The following CCDC192 variants were observed in gnomAD, a reference collection of about 807,000 sequenced individuals.
The protein encoded by CCDC192 is coiled-coil domain containing 192, also known as coiled-coil domain-containing protein 192.
chr5:127,758,894 T>A (rs1754759208), intron 3 of CCDC192, among the ~76,000 whole-genome samples: 1 of 152,192 alleles, frequency 6.6e-6, no homozygotes, highest in Non-Finnish European at 1.5e-5. Flanking sequence ...CATACAGCTT[T>A]TGTGCTGAGA....
chr5:127,936,104 CA>C (rs1202914285), intron 6 of CCDC192, among the ~76,000 whole-genome samples: 1 of 151,160 alleles, frequency 6.6e-6, no homozygotes, highest in Non-Finnish European at 1.5e-5. Context: ...AACTCCGTTT[CA>C]AAAAAAGAAA....
intron 5 of CCDC192, among the ~76,000 whole-genome samples, chr5:127,860,309 G>A (rs558887593): frequency 5.3e-5 from 8 of 152,170 alleles, no homozygotes; most frequent in African/African-American, 1.9e-4. Context: ...CTAAATTATT[G>A]AGAATCGCAG....
chr5:127,885,239 T>C (rs970540265), intron 6 of CCDC192, among the ~76,000 whole-genome samples: 2 of 152,218 alleles, frequency 1.3e-5, no homozygotes, highest in African/African-American at 4.8e-5. Context: ...GTTTCGTTCT[T>C]AGCTACAGAG....
chr5:127,854,920 C>A (rs1282370196), intron 5 of CCDC192, among the ~76,000 whole-genome samples: 1 of 152,146 alleles, frequency 6.6e-6, no homozygotes, highest in Non-Finnish European at 1.5e-5. Flanking sequence ...GTAAACATAA[C>A]TTTTCAGCCT....
At chr5:127,816,433 G>C (rs1034335728) in intron 5 of CCDC192, among the ~76,000 whole-genome samples, 1 of 152,098 alleles carries the variant, frequency 6.6e-6, no homozygotes, top group African/African-American at 2.4e-5. Context: ...TCATGTTCTT[G>C]TTTTACAGAA....
At chr5:127,727,727 C>T (rs1032863086) in intron 2 of CCDC192, among the ~76,000 whole-genome samples, 3 of 152,112 alleles carry the variant, frequency 2.0e-5, no homozygotes, top group African/African-American at 4.8e-5. Context: ...TCAGAAGGTG[C>T]GTAATAATGA....
At chr5:127,766,454 T>C (rs945304893) in intron 3 of CCDC192, among the ~76,000 whole-genome samples, 2 of 152,054 alleles carry the variant, frequency 1.3e-5, no homozygotes, top group African/African-American at 4.8e-5. Context: ...TGTTACCTAA[T>C]ATAAATAAGG....
chr5:127,936,426 G>A lies in CCDC192; in HGVS notation c.536-4756G>A, dbSNP rs140130165. 3.3e-5 allele frequency among the ~76,000 whole-genome samples: 5 copies of A among 152,284 alleles called. No homozygotes were observed. The East Asian group carries it at 5.8e-4, about 18-fold the overall frequency. The stretch of plus-strand genomic sequence containing the variant: ...AGGCTGACATAGAAAAGTGAGTACA[G>A]CCTGGGTCAGCCGAAGGCAGAATGC... On this transcript the variant is annotated intron_variant, in intron 6 of 6. Coordinates refer to ENST00000514853, the MANE Select transcript of CCDC192 (RefSeq NM_001317938.2).
intron 6 of CCDC192, among the ~76,000 whole-genome samples, chr5:127,912,935 G>A (rs927975240): frequency 6.6e-6 from 1 of 152,180 alleles, no homozygotes; most frequent in African/African-American, 2.4e-5. Flanking sequence ...TTCTGCACTG[G>A]CCCTGACCAA....
At chr5:127,812,150 A>C (rs1332417752) in intron 5 of CCDC192, among the ~76,000 whole-genome samples, 1 of 152,142 alleles carries the variant, frequency 6.6e-6, no homozygotes, top group Non-Finnish European at 1.5e-5. Flanking sequence ...TTTTTATAAA[A>C]TCCTTAGACT....
chr5:127,928,941 ATT>A (rs1753941891), intron 6 of CCDC192, among the ~76,000 whole-genome samples: 1 of 151,780 alleles, frequency 6.6e-6, no homozygotes, highest in Admixed American at 6.6e-5. Flanking sequence ...TAGTTTTTGT[ATT>A]TTTAGTAGAA....
intron 2 of CCDC192, among the ~76,000 whole-genome samples, chr5:127,710,243 CTCTTT>C (rs1251554664): frequency 2.6e-5 from 4 of 152,202 alleles, no homozygotes; most frequent in African/African-American, 9.7e-5. Context: ...ACAACGCAGT[CTCTTT>C]TAAGTCATGG....
chr5:127,815,773 C>T lies in CCDC192; in HGVS notation c.411+17611C>T, dbSNP rs183708272. 2.2e-3 allele frequency among the ~76,000 whole-genome samples: 340 copies of T among 151,878 alleles called. 2 individuals are homozygous for T. The highest frequency in any genetic ancestry group is 3.6e-3 in the Non-Finnish European group (247 of 67,954). ...GTCCCAGCTCCTCAGGAGGCTGAGGCAGGAGAATGGCATGAACCTGGGAGG... is the reference window on the plus strand; with the variant it reads ...GTCCCAGCTCCTCAGGAGGCTGAGGTAGGAGAATGGCATGAACCTGGGAGG... On this transcript the variant is annotated intron_variant, in intron 5 of 6. Transcript: ENST00000514853.
At chr5:127,888,513 C>T (rs2127153091) in intron 6 of CCDC192, among the ~76,000 whole-genome samples, 1 of 151,804 alleles carries the variant, frequency 6.6e-6, no homozygotes, top group East Asian at 1.9e-4. Context: ...GGACCATGCT[C>T]CTGAATACTA....
At chr5:127,799,005 A>G (rs991464215) in intron 5 of CCDC192, among the ~76,000 whole-genome samples, 1 of 152,056 alleles carries the variant, frequency 6.6e-6, no homozygotes, top group African/African-American at 2.4e-5. Context: ...GAACAACCCA[A>G]ATGCCTTAGA....
chr5:127,907,558 T>A (rs562414014), intron 6 of CCDC192, among the ~76,000 whole-genome samples: 2 of 152,274 alleles, frequency 1.3e-5, no homozygotes, highest in East Asian at 3.9e-4. Context: ...ATTCAAAGTT[T>A]TGCTTTTAAA....
chr5:127,876,197 C>T (rs529764326), intron 6 of CCDC192, among the ~76,000 whole-genome samples: 1 of 150,192 alleles, frequency 6.7e-6, no homozygotes, highest in South Asian at 2.1e-4. Flanking sequence ...TAAAAAAAGA[C>T]TTCTCCAGCT....
At chr5:127,782,009 A>G (rs1756255936) in intron 3 of CCDC192, among the ~76,000 whole-genome samples, 1 of 152,094 alleles carries the variant, frequency 6.6e-6, no homozygotes, top group African/African-American at 2.4e-5. Context: ...TATCCCTTGT[A>G]TGCTGATTTT....
At chr5:127,736,702 C>CAG (rs1753020905) in intron 2 of CCDC192, among the ~76,000 whole-genome samples, 1 of 151,442 alleles carries the variant, frequency 6.6e-6, no homozygotes, top group Non-Finnish European at 1.5e-5. Flanking sequence ...TCTAGATTTT[C>CAG]TAGTTTATTT....
Sources: gnomAD v4.1 joint callset for allele counts (sites outside exome capture counted in the v4.1 genomes callset) on GRCh38, gnomAD v4.1.1 for gene constraint, MANE v1.5 for transcripts, NCBI Gene and HGNC (gene_info 2026-07-23, HGNC 2026-07-21) for gene names.